Variants in ITFG1 observed in about 807,000 individuals in gnomAD.
ITFG1 encodes the protein integrin alpha FG-GAP repeat containing 1, also known as T-cell immunomodulatory protein.
Under a neutral mutation model 81.8 loss-of-function variants are expected in ITFG1, and 34 were observed. The observed-to-expected ratio is 0.42, with a 90% CI of 0.32 to 0.55. ITFG1 has a LOEUF of 0.55. ITFG1 is among the 20% of genes least tolerant of loss of function. ITFG1 has a pLI of 0.17. For synonymous variants in ITFG1, 285 were observed against 270.6 expected (o/e 1.05, Z -0.52); for missense variants, 672 against 755.4 (o/e 0.89, Z 1.29).
At chr16:47,170,325 CAGG>C (rs1020339650) in intron 14 of ITFG1, among the ~76,000 whole-genome samples, 3 of 152,208 alleles carry the variant, frequency 2.0e-5, no homozygotes, top group African/African-American at 4.8e-5. Context: ...TTTTCTTTTT[CAGG>C]AGGTTTTCAA....
At chr16:47,406,870 A>G (rs1433626827) in intron 6 of ITFG1, among the ~76,000 whole-genome samples, 1 of 152,186 alleles carries the variant, frequency 6.6e-6, no homozygotes. Context: ...AACTTGAGGG[A>G]GGTGATCTGG....
At chr16:47,404,011 C>T (rs1968696871) in intron 6 of ITFG1, among the ~76,000 whole-genome samples, 2 of 151,938 alleles carry the variant, frequency 1.3e-5, no homozygotes, top group African/African-American at 2.4e-5. Context: ...TCACATATTA[C>T]AATGTAATAA....
Position 47,215,899 on chromosome 16 carries a change from C to T in ITFG1, c.1453+2969G>A, listed in dbSNP as rs551181459. Among the ~76,000 whole-genome samples the T allele has an allele frequency of 2.6e-5, 4 of 152,058 alleles. No homozygotes were observed. In the East Asian group the frequency reaches 7.7e-4, roughly 29 times the overall value. Reference sequence around the variant, plus strand: ...AATTTATGCATTCATTTGATTTATGCACTCAACTGCATTTATTTTTACCTT... The same window carrying T: ...AATTTATGCATTCATTTGATTTATGTACTCAACTGCATTTATTTTTACCTT... On this transcript the variant is annotated intron_variant, in intron 14 of 17. Coordinates refer to ENST00000320640, the MANE Select transcript of ITFG1 (RefSeq NM_030790.5).
At chr16:47,399,487 G>A (rs963334771) in intron 6 of ITFG1, among the ~76,000 whole-genome samples, 2 of 152,040 alleles carry the variant, frequency 1.3e-5, no homozygotes, top group Non-Finnish European at 2.9e-5. Context: ...GCAGGAGAAT[G>A]GTGTGAACCC....
intron 13 of ITFG1, among the ~76,000 whole-genome samples, chr16:47,220,049 A>G (rs1346625619): frequency 1.3e-5 from 2 of 152,238 alleles, no homozygotes; most frequent in Non-Finnish European, 2.9e-5. Flanking sequence ...CAGATGGGCA[A>G]GGAAAAGCAT....
At chr16:47,401,024 T>A (rs748773093) in intron 6 of ITFG1, among the ~76,000 whole-genome samples, 1 of 152,210 alleles carries the variant, frequency 6.6e-6, no homozygotes, top group Non-Finnish European at 1.5e-5. Context: ...CTGGTGGCTA[T>A]AAGACCAGTC....
chr16:47,293,037 T>C (rs1488520978), intron 10 of ITFG1, among the ~76,000 whole-genome samples: 1 of 148,722 alleles, frequency 6.7e-6, no homozygotes, highest in Non-Finnish European at 1.5e-5. Context: ...TATATATATA[T>C]GATATATATA....
chr16:47,329,460 T>G (rs1283212615), intron 8 of ITFG1, among the ~76,000 whole-genome samples: 1 of 152,152 alleles, frequency 6.6e-6, no homozygotes, highest in East Asian at 1.9e-4. Context: ...CACAAGGACT[T>G]GAGGTCAAAT....
chr16:47,258,372 C>T (rs1197918831), intron 12 of ITFG1, among the ~76,000 whole-genome samples: 1 of 152,104 alleles, frequency 6.6e-6, no homozygotes, highest in Non-Finnish European at 1.5e-5. Flanking sequence ...AGGAACTGGT[C>T]CAGATTGAAG....
intron 8 of ITFG1, among the ~76,000 whole-genome samples, chr16:47,327,549 T>C (rs543501497): frequency 6.6e-6 from 1 of 152,030 alleles, no homozygotes; most frequent in South Asian, 2.1e-4. Context: ...ACCTACAAAA[T>C]GGGAGAAAAT....
chr16:47,372,165 CACTT>C (rs1235105210), intron 7 of ITFG1, among the ~76,000 whole-genome samples: 3 of 152,180 alleles, frequency 2.0e-5, no homozygotes, highest in African/African-American at 7.2e-5. Flanking sequence ...TCCTCCACGA[CACTT>C]ACCTACTTTC....
intron 8 of ITFG1, 85 bp downstream of exon 8, chr16:47,365,703 A>T: frequency 1.3e-6 from 1 of 783,408 alleles, no homozygotes; most frequent in East Asian, 2.5e-5. Context: ...ATTTCCTGCT[A>T]TGGGGAATTA....
At chr16:47,230,089 C>A (rs891710022) in intron 13 of ITFG1, among the ~76,000 whole-genome samples, 1 of 152,046 alleles carries the variant, frequency 6.6e-6, no homozygotes, top group African/African-American at 2.4e-5. Context: ...CAGTACTATC[C>A]GAGGTTGCAG....
Position 47,336,164 on chromosome 16 carries a change from A to G in ITFG1, c.803-22341T>C, listed in dbSNP as rs1967701300. Among the ~76,000 whole-genome samples, 3 of 152,232 alleles carry G rather than the reference A, an allele frequency of 2.0e-5. No homozygotes were observed. In the East Asian group the frequency reaches 5.8e-4, roughly 29 times the overall value. On this transcript the variant is annotated intron_variant, in intron 8 of 17. Coordinates refer to ENST00000320640, the MANE Select transcript of ITFG1 (RefSeq NM_030790.5). ...AAGTATAGAGACAAAAAGTAGATCA[A>G]ATGATGTCAGCAAAATGGCAGAGTA...
Position 47,459,159 on chromosome 16 carries a change from G to T in ITFG1, c.225C>A (p.Val75=). Residue 75 remains valine, a synonymous_variant, in exon 2 of 18, where the codon GTC becomes GTA. Transcript: ENST00000320640. ...FVLRERNDLI[V]FLADQNAPYF... ...AGGGTGCATTCTGGTCTGCCAAAAAGACGATTAAGTCATTTCCTAAAGAAA... is the reference window on the plus strand; with the variant it reads ...AGGGTGCATTCTGGTCTGCCAAAAATACGATTAAGTCATTTCCTAAAGAAA... 1 of 1,598,096 alleles carries T rather than the reference G, an allele frequency of 6.3e-7. No homozygotes were observed. The highest frequency in any genetic ancestry group is 8.6e-7 in the Non-Finnish European group (1 of 1,165,790).
intron 12 of ITFG1, among the ~76,000 whole-genome samples, chr16:47,253,847 G>A (rs1314840184): frequency 2.0e-5 from 3 of 152,062 alleles, no homozygotes; most frequent in South Asian, 2.1e-4. Context: ...CCTGTCGTGC[G>A]GCCTGGTTCC....
At chr16:47,414,128 A>T (rs1381066111) in intron 6 of ITFG1, among the ~76,000 whole-genome samples, 1 of 152,138 alleles carries the variant, frequency 6.6e-6, no homozygotes, top group Non-Finnish European at 1.5e-5. Context: ...GCCGAGATGT[A>T]CTTATAAAAA....
chr16:47,424,545 T>C (rs953624223), intron 6 of ITFG1, among the ~76,000 whole-genome samples: 2 of 152,268 alleles, frequency 1.3e-5, no homozygotes, highest in African/African-American at 4.8e-5. Context: ...TTTTCTGCTC[T>C]GGTTTCTCCC....
chr16:47,254,882 C>T (rs1966122000), intron 12 of ITFG1, among the ~76,000 whole-genome samples: 1 of 152,074 alleles, frequency 6.6e-6, no homozygotes, highest in African/African-American at 2.4e-5. Flanking sequence ...TTAAAGTACA[C>T]TGGCTCCAGC....
Sources: gnomAD v4.1 joint callset for allele counts (sites outside exome capture counted in the v4.1 genomes callset) on GRCh38, gnomAD v4.1.1 for gene constraint, MANE v1.5 for transcripts, NCBI Gene and HGNC (gene_info 2026-07-23, HGNC 2026-07-21) for gene names.